The following GSE1 variants were observed in gnomAD, a reference collection of about 807,000 sequenced individuals.
GSE1 encodes Gse1 coiled-coil protein, also known as genetic suppressor element 1.
A neutral mutation model predicts 112.6 loss-of-function variants in GSE1; 32 were observed. The ratio of observed to expected loss-of-function variants is 0.28; its 90% CI spans 0.21 to 0.38. The LOEUF is 0.38. Ranked by LOEUF, GSE1 falls within the 10% of genes least tolerant of loss-of-function variation. The pLI is 1.00. For synonymous variants in GSE1, 1,115 were observed against 735.6 expected, an observed-to-expected ratio of 1.52 and a Z score of -8.35; for missense variants, 2,348 against 1,699.2, an observed-to-expected ratio of 1.38 and a Z score of -6.71.
At chr16:85,272,274 G>A (rs11149731) in intron 1 of GSE1, among the ~76,000 whole-genome samples, 106,308 of 152,162 alleles carry the variant, frequency 0.7, 37,418 homozygotes, top group African/African-American at 0.77. Flanking sequence ...GGCTATGCGC[G>A]TGGGACGATC....
chr16:85,295,492 C>A (rs1567670216), intron 1 of GSE1, among the ~76,000 whole-genome samples: 1 of 152,246 alleles, frequency 6.6e-6, no homozygotes, highest in Admixed American at 6.5e-5. Context: ...GCTGTCTCCA[C>A]CTTTCGGCTG....
chr16:85,402,586 G>C (rs1285235096), intron 2 of GSE1, among the ~76,000 whole-genome samples: 1 of 152,178 alleles, frequency 6.6e-6, no homozygotes, highest in African/African-American at 2.4e-5. Flanking sequence ...AGCTTGTCGG[G>C]AGCGCGGCGC....
chr16:85,526,464 G>A (rs1450875760), intron 2 of GSE1, among the ~76,000 whole-genome samples: 1 of 152,268 alleles, frequency 6.6e-6, no homozygotes, highest in Non-Finnish European at 1.5e-5. Context: ...GGAATCCAGG[G>A]CAGGGTGGTC....
chr16:85,383,168 G>A (rs1391149476), intron 2 of GSE1, among the ~76,000 whole-genome samples: 1 of 150,676 alleles, frequency 6.6e-6, no homozygotes, highest in African/African-American at 2.5e-5. Flanking sequence ...TAGACACCTG[G>A]GTACACAGTG....
chr16:85,268,245 T>A (rs1476623314), intron 1 of GSE1, among the ~76,000 whole-genome samples: 1 of 74,858 alleles, frequency 1.3e-5, no homozygotes, highest in African/African-American at 6.9e-5. Context: ...GCACAAGGGT[T>A]CTATAGGCCG....
intron 2 of GSE1, among the ~76,000 whole-genome samples, chr16:85,492,017 C>G (rs529564256): frequency 6.6e-6 from 1 of 152,280 alleles, no homozygotes; most frequent in South Asian, 2.1e-4. Flanking sequence ...ACCACCACCA[C>G]CGAGGTGCTG....
chr16:85,217,187 T>C (rs1237133573), intron 1 of GSE1, among the ~76,000 whole-genome samples: 4 of 152,244 alleles, frequency 2.6e-5, no homozygotes, highest in Non-Finnish European at 5.9e-5. Context: ...TCAAGCTCCC[T>C]GTGACGCGCT....
At chr16:85,587,606 C>A (rs1361627094) in intron 1 of GSE1, among the ~76,000 whole-genome samples, 2 of 152,230 alleles carry the variant, frequency 1.3e-5, no homozygotes, top group Middle Eastern at 3.4e-3. Flanking sequence ...TCAGCCCAGG[C>A]CCCCTGTTGG....
chr16:85,350,304 C>T (rs920764383), intron 1 of GSE1, among the ~76,000 whole-genome samples: 1 of 152,146 alleles, frequency 6.6e-6, no homozygotes, highest in African/African-American at 2.4e-5. Context: ...TACTCAAGAT[C>T]AGCAGTGCCG....
intron 1 of GSE1, among the ~76,000 whole-genome samples, chr16:85,176,772 C>T (rs1018372870): frequency 1.3e-5 from 2 of 152,274 alleles, no homozygotes; most frequent in South Asian, 4.1e-4. Context: ...CCTTTCTTCT[C>T]TGCAGGGACA....
At chr16:85,630,311 C>G (rs918601686) in intron 1 of GSE1, among the ~76,000 whole-genome samples, 11 of 152,206 alleles carry the variant, frequency 7.2e-5, no homozygotes, top group African/African-American at 2.7e-4. Flanking sequence ...GAATTGGTCT[C>G]TACCTCTTGA....
chr16:85,354,500 C>T (rs1464013046), intron 1 of GSE1, among the ~76,000 whole-genome samples: 1 of 152,240 alleles, frequency 6.6e-6, no homozygotes, highest in African/African-American at 2.4e-5. Flanking sequence ...GTGTTTGCTG[C>T]CTTCTTTCCT....
In GSE1 at chr16:85,387,587, C is replaced by T. The variant is rs114992076; in HGVS notation, c.2464+29944C>T. On this transcript the variant is annotated intron_variant, in intron 2 of 2. Coordinates refer to the GSE1 transcript ENST00000637419. ...GTGGCCCCTCTCCTCCAGGACATCA[C>T]CTGCTTTCATGTTACCTTGGGTTGC... Among the ~76,000 whole-genome samples, 233 of 152,384 alleles carry T rather than the reference C, an allele frequency of 1.5e-3. 1 individual carries two copies. Among genetic ancestry groups the T allele is most frequent in the African/African-American group, 5.5e-3 (229 of 41,592 alleles).
chr16:85,380,840 C>T (rs2047530412), intron 2 of GSE1, among the ~76,000 whole-genome samples: 1 of 152,190 alleles, frequency 6.6e-6, no homozygotes, highest in Non-Finnish European at 1.5e-5. Flanking sequence ...CGTCCTTCTC[C>T]CTGGTCTTTG....
intron 1 of GSE1, among the ~76,000 whole-genome samples, chr16:85,178,536 A>G (rs1327973148): frequency 6.6e-6 from 1 of 152,016 alleles, no homozygotes; most frequent in African/African-American, 2.4e-5. Context: ...GGGCCATGGT[A>G]TTTTAAAGCT....
intron 1 of GSE1, among the ~76,000 whole-genome samples, chr16:85,577,923 C>T (rs935549953): frequency 6.6e-6 from 1 of 152,226 alleles, no homozygotes; most frequent in South Asian, 2.1e-4. Flanking sequence ...GCCCGATGGC[C>T]GTGCCTTTGC....
At chr16:85,237,042 T>A (rs1904736941) in intron 1 of GSE1, among the ~76,000 whole-genome samples, 1 of 152,218 alleles carries the variant, frequency 6.6e-6, no homozygotes, top group African/African-American at 2.4e-5. Flanking sequence ...GAAAGAATAA[T>A]GGGCTGGGCG....
intron 2 of GSE1, among the ~76,000 whole-genome samples, chr16:85,381,948 T>G (rs1446632942): frequency 6.6e-6 from 1 of 152,136 alleles, no homozygotes. Context: ...GCTCACAGAG[T>G]GCCTGAGGAA....
chr16:85,295,156 A>T (rs894270454), intron 1 of GSE1, among the ~76,000 whole-genome samples: 7 of 152,130 alleles, frequency 4.6e-5, no homozygotes, highest in Non-Finnish European at 8.8e-5. Context: ...CCCCAAAAGG[A>T]AACCCCACAC....
Sources: allele counts gnomAD v4.1 joint callset (sites outside exome capture counted in the v4.1 genomes callset), GRCh38; gene constraint gnomAD v4.1.1; transcripts MANE v1.5; gene names NCBI Gene and HGNC (gene_info 2026-07-23, HGNC 2026-07-21).